The following USP13 variants were observed in gnomAD, a reference collection of about 807,000 sequenced individuals.
The protein encoded by USP13 is ubiquitin carboxyl-terminal hydrolase 13.
Under a neutral mutation model 107.8 loss-of-function variants are expected in USP13, and 68 were observed. The ratio of observed to expected loss-of-function variants is 0.63; its 90% CI spans 0.52 to 0.77. USP13 has a LOEUF of 0.77. Among genes scored for constraint, USP13 ranks in the 30% least tolerant of loss-of-function variants. The pLI, the probability that USP13 is intolerant of heterozygous loss-of-function variation, is 0.00. For missense variants in USP13, 945 were observed against 1,093.3 expected (o/e 0.86, Z 1.91); for synonymous variants, 377 against 389.5 (o/e 0.97, Z 0.38).
At chr3:179,743,220 G>A (rs144293663) in intron 12 of USP13, among the ~76,000 whole-genome samples, 1,571 of 152,236 alleles carry the variant, frequency 0.01, 13 homozygotes, top group Non-Finnish European at 0.017. Flanking sequence ...TATGGACACA[G>A]GGAGGGGAAC....
intron 4 of USP13, among the ~76,000 whole-genome samples, chr3:179,704,130 T>C (rs1712631371): frequency 6.6e-6 from 1 of 152,142 alleles, no homozygotes; most frequent in African/African-American, 2.4e-5. Flanking sequence ...CTGTCACCCA[T>C]AAAAAGGGCC....
Position 179,742,448 on chromosome 3 carries a change from T to G in USP13, c.1534+98T>G. 1.4e-6 allele frequency: 2 copies of G among 1,468,618 alleles called. No individual in the cohort carries two copies. The highest frequency in any genetic ancestry group is 3.9e-5 in the Admixed American group (2 of 51,388). 91.0% of individuals were successfully genotyped at this position (1,468,618 alleles called of 1,614,324 possible). On this transcript the variant is annotated intron_variant, in intron 12 of 20. Transcript: ENST00000263966. This position sits in a 1 kb window ranked among gnomAD's most constrained non-coding sequence, Gnocchi z 5.0. ...TTTAGTCACTGAAGTGTGTCAGGAGTAGACCCAGCCCAGGTGATGTCTGCT... is the reference window on the plus strand; with the variant it reads ...TTTAGTCACTGAAGTGTGTCAGGAGGAGACCCAGCCCAGGTGATGTCTGCT...
intron 1 of USP13, among the ~76,000 whole-genome samples, chr3:179,657,637 A>G (rs1411740451): frequency 6.6e-6 from 1 of 151,024 alleles, no homozygotes; most frequent in Non-Finnish European, 1.5e-5. Flanking sequence ...GGTGGCACGC[A>G]CCTGTAGTCC....
At chr3:179,683,273 A>G (rs1420420716) in intron 2 of USP13, among the ~76,000 whole-genome samples, 1 of 150,362 alleles carries the variant, frequency 6.7e-6, no homozygotes, top group Non-Finnish European at 1.5e-5. Context: ...TATTTTGTAG[A>G]ATAGAAGTTG....
chr3:179,677,478 G>T (rs1312468840), intron 1 of USP13, among the ~76,000 whole-genome samples: 2 of 152,034 alleles, frequency 1.3e-5, no homozygotes, highest in African/African-American at 4.8e-5. Context: ...TACTTGGGAG[G>T]CTGAGGCAGG....
At chr3:179,758,536 T>C (rs532247616) in intron 16 of USP13, among the ~76,000 whole-genome samples, 4 of 152,048 alleles carry the variant, frequency 2.6e-5, no homozygotes, top group African/African-American at 9.6e-5. Flanking sequence ...TCTTGCTCTA[T>C]CACCCAGGCT....
intron 17 of USP13, among the ~76,000 whole-genome samples, chr3:179,763,595 C>CT (rs993195662): frequency 1.2e-4 from 18 of 151,486 alleles, no homozygotes; most frequent in African/African-American, 2.4e-4. Flanking sequence ...ACCAGACTGT[C>CT]TTTTTTTTTG....
At chr3:179,754,639 C>T in intron 14 of USP13, 93 bp from the exon 15 acceptor site, 1 of 1,402,122 alleles carries the variant, frequency 7.1e-7, no homozygotes, top group Non-Finnish European at 9.4e-7. Flanking sequence ...TCCCTTAGCT[C>T]TGTCTAGACA....
intron 1 of USP13, among the ~76,000 whole-genome samples, chr3:179,663,252 T>C (rs1262459989): frequency 6.6e-6 from 1 of 152,248 alleles, no homozygotes; most frequent in African/African-American, 2.4e-5. Context: ...ATTTGTCCTT[T>C]TTGACTGATT....
chr3:179,761,354 A>T (rs1452316696), intron 17 of USP13, 99 bp downstream of exon 17: 6 of 1,450,508 alleles, frequency 4.1e-6, no homozygotes, highest in Non-Finnish European at 5.6e-6. Context: ...TATCCCTAGA[A>T]AATGACTTTA....
At chr3:179,730,013 G>A (rs1415221129) in intron 8 of USP13, among the ~76,000 whole-genome samples, 176 bp from the exon 9 acceptor site, 2 of 152,148 alleles carry the variant, frequency 1.3e-5, no homozygotes, top group Non-Finnish European at 2.9e-5. Context: ...AAGCATAAAC[G>A]TTTCAGGAAG....
chr3:179,757,016 T>A, intron 15 of USP13, 36 bp from the exon 16 acceptor site: 1 of 1,612,350 alleles, frequency 6.2e-7, no homozygotes, highest in Non-Finnish European at 8.5e-7. Flanking sequence ...TCAACATGGT[T>A]TGGTCTCATT....
chr3:179,680,202 A>AC (rs1553788502), intron 1 of USP13, among the ~76,000 whole-genome samples: 35 of 146,390 alleles, frequency 2.4e-4, no homozygotes, highest in African/African-American at 6.1e-4. Flanking sequence ...AACAACAACA[A>AC]AAAGAAAGAG....
At chr3:179,750,502 ATAG>A (rs1466310710) in intron 13 of USP13, among the ~76,000 whole-genome samples, 1 of 151,928 alleles carries the variant, frequency 6.6e-6, no homozygotes, top group African/African-American at 2.4e-5. Context: ...AGCCTGGCTA[ATAG>A]TAGATTAGTT....
At chr3:179,738,477 T>C (rs2108510352) in intron 10 of USP13, among the ~76,000 whole-genome samples, 1 of 152,364 alleles carries the variant, frequency 6.6e-6, no homozygotes, top group African/African-American at 2.4e-5. Flanking sequence ...TTGAAAGGCC[T>C]ATCTGGCACT....
intron 17 of USP13, among the ~76,000 whole-genome samples, chr3:179,762,559 C>T (rs1715044466): frequency 6.6e-6 from 1 of 152,042 alleles, no homozygotes; most frequent in Non-Finnish European, 1.5e-5. Context: ...CCAGCCTGGG[C>T]AACAGAGTGA....
intron 19 of USP13, among the ~76,000 whole-genome samples, chr3:179,771,394 C>CA (rs1715338138): frequency 6.6e-6 from 1 of 152,212 alleles, no homozygotes; most frequent in South Asian, 2.1e-4. Flanking sequence ...AGGGTGGAGA[C>CA]ATCTTCCATC....
intron 6 of USP13, among the ~76,000 whole-genome samples, chr3:179,711,056 TTGGC>T (rs1468728659): frequency 1.3e-5 from 2 of 152,208 alleles, no homozygotes; most frequent in Non-Finnish European, 2.9e-5. Context: ...CACCATACAC[TTGGC>T]TACACTAAAC....
chr3:179,682,111 C>T lies in USP13; in HGVS notation c.294+108C>T. 5.0e-6 allele frequency: 7 copies of T among 1,398,294 alleles called. No individual in the cohort carries two copies. In the South Asian group the frequency reaches 1.1e-4, roughly 22 times the overall value. 86.6% of individuals were successfully genotyped at this position (1,398,294 alleles called of 1,614,324 possible). On this transcript the variant is annotated intron_variant, in intron 2 of 20. Coordinates refer to ENST00000263966, the MANE Select transcript of USP13 (RefSeq NM_003940.3). The stretch of plus-strand genomic sequence containing the variant: ...ACCATGCCCACATAACTTCCGATTC[C>T]CTTTGACGATGAGAAACAAAAACAG...
Sources: gnomAD v4.1 joint callset for allele counts (sites outside exome capture counted in the v4.1 genomes callset) on GRCh38, gnomAD v4.1.1 for gene constraint, Gnocchi (gnomAD v3.1) non-coding constraint, MANE v1.5 for transcripts, NCBI Gene and HGNC (gene_info 2026-07-23, HGNC 2026-07-21) for gene names.